PKIB: variants seen among roughly 807,000 people sequenced by gnomAD.
PKIB encodes cAMP-dependent protein kinase inhibitor beta.
Under a neutral mutation model 4.5 loss-of-function variants are expected in PKIB, and 2 were observed. The ratio of observed to expected loss-of-function variants is 0.44; its 90% CI spans 0.18 to 1.39. The LOEUF (loss-of-function observed/expected upper bound fraction) is 1.39, where lower values mean the gene tolerates loss of function less well. Among genes scored for constraint, PKIB ranks in the 40% most tolerant of loss-of-function variants. The pLI, the probability that PKIB is intolerant of heterozygous loss-of-function variation, is 0.27. For synonymous variants in PKIB, 38 were observed against 36.0 expected, an observed-to-expected ratio of 1.06 and a Z score of -0.20; for missense variants, 94 against 92.6, an observed-to-expected ratio of 1.02 and a Z score of -0.06.
chr6:122,612,040 G>A (rs1454720342), intron 1 of PKIB, among the ~76,000 whole-genome samples: 1 of 152,112 alleles, frequency 6.6e-6, no homozygotes. Flanking sequence ...AAATATCAAA[G>A]ACTAATGGAC....
At chr6:122,605,654 T>G (rs2114747985), upstream of PKIB, among the ~76,000 whole-genome samples, 1 of 152,226 alleles carries the variant, frequency 6.6e-6, no homozygotes, top group Admixed American at 6.5e-5. Context: ...TCCTCTGGAA[T>G]GGAGAGTGGG....
At chr6:122,476,830 A>G (rs2114508486) in intron 1 of PKIB, among the ~76,000 whole-genome samples, 1 of 152,322 alleles carries the variant, frequency 6.6e-6, no homozygotes, top group Admixed American at 6.5e-5. Flanking sequence ...GAAATTATAT[A>G]CTGAAGAAAT....
At chr6:122,541,593 T>A (rs1777605342) in intron 2 of PKIB, among the ~76,000 whole-genome samples, 1 of 151,972 alleles carries the variant, frequency 6.6e-6, no homozygotes, top group Non-Finnish European at 1.5e-5. Context: ...TAACCTGACC[T>A]TTCTCTCTGG....
At chr6:122,669,860 A>T (rs951009270) in intron 2 of PKIB, among the ~76,000 whole-genome samples, 8 of 152,122 alleles carry the variant, frequency 5.3e-5, no homozygotes, top group African/African-American at 1.9e-4. Flanking sequence ...AATTCTTTTT[A>T]TGTCCATATA....
intron 2 of PKIB, among the ~76,000 whole-genome samples, chr6:122,495,577 G>A (rs2114546638): frequency 6.6e-6 from 1 of 152,072 alleles, no homozygotes; most frequent in South Asian, 2.1e-4. Context: ...TATCTAGTGG[G>A]CCACCTGGGG....
intron 2 of PKIB, among the ~76,000 whole-genome samples, chr6:122,654,281 A>G (rs1034676674): frequency 1.2e-4 from 18 of 152,236 alleles, no homozygotes; most frequent in African/African-American, 4.1e-4. Context: ...AATTCAGAGC[A>G]TTCTGTTGGA....
chr6:122,509,701 G>C (rs1196493168), intron 2 of PKIB, among the ~76,000 whole-genome samples: 1 of 152,074 alleles, frequency 6.6e-6, no homozygotes, highest in Non-Finnish European at 1.5e-5. Context: ...AAAGTGCTGG[G>C]ATTACAGGTG....
intron 3 of PKIB, among the ~76,000 whole-genome samples, chr6:122,695,376 T>C (rs1266652351): frequency 2.0e-5 from 3 of 152,098 alleles, no homozygotes; most frequent in Non-Finnish European, 4.4e-5. Context: ...ACATATTATA[T>C]ACATTATTGT....
intron 2 of PKIB, among the ~76,000 whole-genome samples, chr6:122,534,842 A>C (rs1247551252): frequency 1.3e-5 from 2 of 152,250 alleles, no homozygotes; most frequent in East Asian, 3.9e-4. Flanking sequence ...AATTAAAAGT[A>C]TTGATATTAT....
At chr6:122,549,298 C>A (rs1772596700) in intron 2 of PKIB, among the ~76,000 whole-genome samples, 1 of 152,152 alleles carries the variant, frequency 6.6e-6, no homozygotes, top group African/African-American at 2.4e-5. Flanking sequence ...AATATGGTAA[C>A]CTGCTTGAGC....
chr6:122,499,287 A>G (rs1024847517), intron 2 of PKIB, among the ~76,000 whole-genome samples: 147 of 152,206 alleles, frequency 9.7e-4, no homozygotes, highest in Non-Finnish European at 2.5e-4. Context: ...CAATATCCCT[A>G]ATGAATATAG....
At chr6:122,701,897 A>C (rs1350327174) in intron 3 of PKIB, among the ~76,000 whole-genome samples, 2 of 152,204 alleles carry the variant, frequency 1.3e-5, no homozygotes, top group Non-Finnish European at 2.9e-5. Context: ...ATGCAGGAGC[A>C]TGTGAGGGTT....
chr6:122,582,945 A>G (rs1773744428), intron 2 of PKIB, among the ~76,000 whole-genome samples: 1 of 152,000 alleles, frequency 6.6e-6, no homozygotes, highest in Non-Finnish European at 1.5e-5. Flanking sequence ...GTTGTATCAT[A>G]TTTTCCTGTT....
intron 3 of PKIB, chr6:122,701,218 C>T (rs1778800493): frequency 2.2e-6 from 1 of 451,038 alleles, no homozygotes; most frequent in South Asian, 3.2e-5. Context: ...ATGCTTGGTT[C>T]TCCATGGTGT....
chr6:122,506,891 C>T (rs1300941649), intron 2 of PKIB, among the ~76,000 whole-genome samples: 2 of 151,044 alleles, frequency 1.3e-5, no homozygotes, highest in East Asian at 1.9e-4. Flanking sequence ...TTAGTAGAGA[C>T]GGGGTTTCAC....
At chr6:122,575,202 T>C (rs537847035) in intron 2 of PKIB, among the ~76,000 whole-genome samples, 2 of 152,142 alleles carry the variant, frequency 1.3e-5, no homozygotes, top group East Asian at 3.9e-4. Flanking sequence ...CAGTAAGATA[T>C]TACCTTACTC....
At chr6:122,609,798 A>G (rs371940025), upstream of PKIB, among the ~76,000 whole-genome samples, 7 of 152,328 alleles carry the variant, frequency 4.6e-5, no homozygotes, top group South Asian at 1.5e-3. Context: ...TGAAAGTGAA[A>G]CTTGATATAC....
At chr6:122,620,788 G>A (rs767738282) in intron 1 of PKIB, among the ~76,000 whole-genome samples, 49 of 152,018 alleles carry the variant, frequency 3.2e-4, no homozygotes, top group Non-Finnish European at 4.9e-4. Flanking sequence ...TTTTTAATTA[G>A]GATTTTTAAA....
At chr6:122,686,401 G>A (rs775616207) in intron 3 of PKIB, among the ~76,000 whole-genome samples, 1 of 151,978 alleles carries the variant, frequency 6.6e-6, no homozygotes, top group Non-Finnish European at 1.5e-5. Context: ...TCTGATAGAC[G>A]AATGATATGG....
Sources: gnomAD v4.1 joint callset for allele counts (sites outside exome capture counted in the v4.1 genomes callset) on GRCh38, gnomAD v4.1.1 for gene constraint, MANE v1.5 for transcripts, NCBI Gene and HGNC (gene_info 2026-07-23, HGNC 2026-07-21) for gene names.